The following ALG8 variants were observed in gnomAD, a reference collection of about 807,000 sequenced individuals.
ALG8 encodes the protein ALG8 alpha-1,3-glucosyltransferase, also known as dolichyl pyrophosphate Glc1Man9GlcNAc2 alpha-1,3-glucosyltransferase.
In ALG8, 48 loss-of-function variants were observed where a neutral mutation model predicts 70.2. The observed-to-expected ratio is 0.68, with a 90% confidence interval of 0.54 to 0.87. ALG8 has a LOEUF of 0.87. Among genes scored for constraint, ALG8 ranks in the 40% least tolerant of loss-of-function variants. ALG8 has a pLI of 0.00. For missense variants in ALG8, 572 were observed against 608.7 expected (o/e 0.94, Z 0.64); for synonymous variants, 234 against 229.0 (o/e 1.02, Z -0.20).
At chr11:78,126,809 T>C (rs1341263340) in intron 2 of ALG8, among the ~76,000 whole-genome samples, 1 of 152,186 alleles carries the variant, frequency 6.6e-6, no homozygotes, top group East Asian at 1.9e-4. Context: ...AATCCAGTTC[T>C]TCCTCTTTCC....
intron 1 of ALG8, among the ~76,000 whole-genome samples, chr11:78,128,306 T>C (rs1312604423): frequency 6.6e-6 from 1 of 152,214 alleles, no homozygotes; most frequent in Non-Finnish European, 1.5e-5. Flanking sequence ...ACCTGACGCA[T>C]GGACAAGCTC....
intron 5 of ALG8, among the ~76,000 whole-genome samples, chr11:78,118,615 CAAAAA>C (rs60253317): frequency 6.8e-5 from 6 of 88,114 alleles, no homozygotes; most frequent in African/African-American, 1.3e-4. Flanking sequence ...GACTCATTCT[CAAAAA>C]AAAAAAAAAA....
chr11:78,114,475 G>C (rs751144395), intron 5 of ALG8, 83 bp from the exon 6 acceptor site: 1 of 1,525,462 alleles, frequency 6.6e-7, no homozygotes, highest in Non-Finnish European at 9.0e-7. Flanking sequence ...TTGAATCCTG[G>C]AACAGAACAA....
chr11:78,123,192 G>A (rs1427845153), intron 3 of ALG8, among the ~76,000 whole-genome samples: 2 of 151,754 alleles, frequency 1.3e-5, no homozygotes, highest in African/African-American at 4.8e-5. Context: ...TGTAATCCAA[G>A]CTACTTGGGA....
At position 78,114,588 on chromosome 11, in the gene ALG8, G is replaced by C. The variant is rs1860471934; in HGVS notation, c.547-196C>G. ...TGTAAGGTGGTAATGGGGGAAAATG[G>C]GTGAGGGATATATAGGAACTCTCTG... On this transcript the variant is annotated intron_variant, in intron 5 of 12. Transcript: ENST00000299626. The C allele has an allele frequency of 9.0e-6, 6 of 668,928 alleles. No individual in the cohort carries two copies. In the Admixed American group the frequency reaches 1.3e-4, roughly 15 times the overall value. The allele number at this position is 668,928 out of a possible 1,614,324, so 41.4% of individuals were successfully genotyped here.
At chr11:78,131,957 CTAAAG>C (rs1487184732) in intron 1 of ALG8, among the ~76,000 whole-genome samples, 1 of 152,194 alleles carries the variant, frequency 6.6e-6, no homozygotes, top group Non-Finnish European at 1.5e-5. Flanking sequence ...TGGATAAAAT[CTAAAG>C]TACTCAACAT....
chr11:78,124,227 TAGA>T lies in ALG8; in HGVS notation c.175-16_175-14del. The T allele has an allele frequency of 4.3e-6, 7 of 1,612,762 alleles. No individual in the cohort carries two copies. The highest frequency in any genetic ancestry group is 5.9e-6 in the Non-Finnish European group (7 of 1,178,796). ...ACTCTGAAGTTGCCTGTGATAAAAA[TAGA>T]AGATCAGACATATCCTAAATAACTG... On this transcript the variant is annotated splice_polypyrimidine_tract_variant and intron_variant, in intron 2 of 12. Coordinates refer to ENST00000299626, the MANE Select transcript of ALG8 (RefSeq NM_024079.5).
Position 78,100,993 on chromosome 11 carries a change from A to T in ALG8, c.1552T>A (p.Ser518Thr). The T allele has an allele frequency of 6.2e-7, 1 of 1,614,188 alleles. No individual in the cohort carries two copies. Among genetic ancestry groups the T allele is most frequent in the Non-Finnish European group, 8.5e-7 (1 of 1,179,988 alleles). ...FKLYVSVLID[S>T]AIGKTKKQ ...TGTTTCTTTGTCTTGCCAATAGCAGAGTCAATCAATACTGAAACATACAGT... is the reference window on the plus strand; with the variant it reads ...TGTTTCTTTGTCTTGCCAATAGCAGTGTCAATCAATACTGAAACATACAGT... The change falls in exon 13 of 13, where the codon TCT (serine) becomes ACT (threonine). Residue 518 changes from serine to threonine, a missense_variant. Transcript: ENST00000299626.
At position 78,106,934 on chromosome 11, in the gene ALG8, A is replaced by G; in HGVS notation, c.1051T>C (p.Cys351Arg). The change falls in exon 10 of 13, where the codon TGT becomes CGT. Residue 351 changes from cysteine (C) to arginine (R), a missense_variant. Coordinates refer to ENST00000299626, the MANE Select transcript of ALG8 (RefSeq NM_024079.5). ...TLIAILPSIF[C>R]LWFKPQGPRG... Reference sequence around the variant, plus strand: ...GGCCCTTGGGGTTTAAACCAAAGACAGAAAATAGAGGGCTAGAAACAACAG... The same window carrying G: ...GGCCCTTGGGGTTTAAACCAAAGACGGAAAATAGAGGGCTAGAAACAACAG... 6.2e-7 allele frequency: 1 copy of G among 1,614,120 alleles called. No individual in the cohort carries two copies. Among genetic ancestry groups the G allele is most frequent in the African/African-American group, 1.3e-5 (1 of 75,054 alleles).
At chr11:78,122,788 T>C (rs187597179) in intron 3 of ALG8, among the ~76,000 whole-genome samples, 87 of 152,344 alleles carry the variant, frequency 5.7e-4, no homozygotes, top group African/African-American at 2.0e-3. Context: ...TTACCTTCCC[T>C]TTCAACTCTT....
At chr11:78,101,402 G>C (rs1426174234) in intron 12 of ALG8, among the ~76,000 whole-genome samples, 2 of 152,172 alleles carry the variant, frequency 1.3e-5, no homozygotes, top group Admixed American at 1.3e-4. Context: ...GCCAAGGCAG[G>C]TGGATCACCT....
At chr11:78,135,772 C>T (rs984981154) in intron 1 of ALG8, among the ~76,000 whole-genome samples, 84 of 151,316 alleles carry the variant, frequency 5.6e-4, no homozygotes, top group Non-Finnish European at 2.4e-4. Context: ...CACTCGAACC[C>T]GGGAAGCTGA....
At chr11:78,126,686 G>T (rs1590834018) in intron 2 of ALG8, among the ~76,000 whole-genome samples, 1 of 152,080 alleles carries the variant, frequency 6.6e-6, no homozygotes, top group Admixed American at 6.6e-5. Context: ...GAACAGACAG[G>T]ATCTTAGAAA....
At chr11:78,111,185 T>C (rs1449199386) in intron 8 of ALG8, among the ~76,000 whole-genome samples, 5 of 152,186 alleles carry the variant, frequency 3.3e-5, no homozygotes, top group Non-Finnish European at 5.9e-5. Context: ...GTCTACCATG[T>C]GCCCAGGGCT....
chr11:78,112,354 GTTT>G (rs1435254174), intron 8 of ALG8: 1 of 358,918 alleles, frequency 2.8e-6, no homozygotes. Context: ...CTGCTGAATA[GTTT>G]TTTAATTAAG....
chr11:78,115,022 A>T (rs1195394142), intron 5 of ALG8, among the ~76,000 whole-genome samples: 2 of 151,888 alleles, frequency 1.3e-5, no homozygotes, highest in Non-Finnish European at 2.9e-5. Context: ...CTACTTTTTT[A>T]AATTTTTATT....
rs1420351358 is a variant in ALG8 at position 78,127,420 on chromosome 11, C to G, written c.112G>C (p.Glu38Gln). 1.2e-6 allele frequency: 2 copies of G among 1,613,506 alleles called. No homozygotes were observed. Among genetic ancestry groups the G allele is most frequent in the African/African-American group, 2.7e-5 (2 of 74,848 alleles). The change falls in exon 2 of 13, where the codon GAA becomes CAA. Residue 38 changes from glutamate to glutamine, a missense_variant. Transcript: ENST00000299626. ...ATAGCAAGCCAGTTTCGGTGTACTT[C>G]AAAATCTGTGGAATGGCTACTCAAA... ...LIPTYHSTDF[E>Q]VHRNWLAITH...
Position 78,124,094 on chromosome 11 carries a change from T to C in ALG8, c.295A>G (p.Ser99Gly), listed in dbSNP as rs1860952614. 6.2e-7 allele frequency: 1 copy of C among 1,614,188 alleles called. No individual in the cohort carries two copies. The highest frequency in any genetic ancestry group is 8.5e-7 in the Non-Finnish European group (1 of 1,180,020). ...MLNVHNLNYS[S>G]SRTLLFQRFS... ...CTCTGGAAAAGTAAGGTCCTTGAGC[T>C]GGAGTAATTCAAATTATGGACATTC... is the stretch of plus-strand genomic sequence containing the variant. Residue 99 changes from serine to glycine, a missense_variant, in exon 3 of 13, where the codon AGC (serine) becomes GGC (glycine). Coordinates refer to ENST00000299626, the MANE Select transcript of ALG8 (RefSeq NM_024079.5).
chr11:78,121,581 T>C (rs1363506424), intron 3 of ALG8, among the ~76,000 whole-genome samples: 1 of 148,518 alleles, frequency 6.7e-6, no homozygotes, highest in Admixed American at 6.7e-5. Flanking sequence ...GAAAAAATGG[T>C]AGCACAAACA....
Sources: allele counts gnomAD v4.1 joint callset (sites outside exome capture counted in the v4.1 genomes callset), GRCh38; gene constraint gnomAD v4.1.1; transcripts MANE v1.5; gene names NCBI Gene and HGNC (gene_info 2026-07-23, HGNC 2026-07-21).